Variants in SAMMSON observed in about 807,000 individuals in gnomAD.
SAMMSON encodes long intergenic non-protein coding RNA 1212.
chr3:70,328,801 A>G (rs1371943040), intron 7 of SAMMSON, among the ~76,000 whole-genome samples: 1 of 152,180 alleles, frequency 6.6e-6, no homozygotes, highest in Non-Finnish European at 1.5e-5. Flanking sequence ...GATGAAAATT[A>G]GAAACCCACA....
intron 4 of SAMMSON, among the ~76,000 whole-genome samples, chr3:70,098,998 CTA>C (rs1268279557): frequency 5.3e-5 from 8 of 152,196 alleles, no homozygotes; most frequent in South Asian, 2.1e-4. Flanking sequence ...AGTTTTTTCT[CTA>C]TGTCACTTAA....
chr3:70,376,530 G>A (rs2106749107), intron 9 of SAMMSON, among the ~76,000 whole-genome samples: 1 of 152,230 alleles, frequency 6.6e-6, no homozygotes, highest in East Asian at 1.9e-4. Flanking sequence ...CAGACACCTT[G>A]TCATAGAATG....
intron 6 of SAMMSON, among the ~76,000 whole-genome samples, chr3:70,283,149 A>C (rs371008547): frequency 6.6e-6 from 1 of 152,110 alleles, no homozygotes; most frequent in Non-Finnish European, 1.5e-5. Context: ...CAACAGTAGC[A>C]CTAGGTGGTT....
At chr3:70,036,465 G>A (rs1045945878) in intron 3 of SAMMSON, among the ~76,000 whole-genome samples, 4 of 152,136 alleles carry the variant, frequency 2.6e-5, no homozygotes, top group Non-Finnish European at 5.9e-5. Context: ...TCAATCATAA[G>A]TATGTCCTCC....
At chr3:70,154,169 A>C (rs1356120786) in intron 4 of SAMMSON, among the ~76,000 whole-genome samples, 1 of 151,970 alleles carries the variant, frequency 6.6e-6, no homozygotes, top group Non-Finnish European at 1.5e-5. Flanking sequence ...AAAATGTATT[A>C]ATCCTCATAA....
At chr3:70,077,900 C>A (rs2067254681) in intron 4 of SAMMSON, among the ~76,000 whole-genome samples, 2 of 152,202 alleles carry the variant, frequency 1.3e-5, no homozygotes, top group Non-Finnish European at 1.5e-5. Flanking sequence ...CACTCCTTAG[C>A]AACTGCCAGT....
chr3:70,296,510 TAA>T (rs1204785162), intron 7 of SAMMSON, among the ~76,000 whole-genome samples: 1 of 152,038 alleles, frequency 6.6e-6, no homozygotes, highest in Non-Finnish European at 1.5e-5. Flanking sequence ...TAAGATAATT[TAA>T]AAAAAATCAT....
At chr3:70,282,998 A>G (rs1297117977) in intron 6 of SAMMSON, among the ~76,000 whole-genome samples, 1 of 152,202 alleles carries the variant, frequency 6.6e-6, no homozygotes, top group African/African-American at 2.4e-5. Context: ...AAAATGGAGC[A>G]GGAGACTGAA....
chr3:70,391,367 A>G (rs1701046859), downstream of SAMMSON, among the ~76,000 whole-genome samples: 1 of 152,160 alleles, frequency 6.6e-6, no homozygotes, highest in African/African-American at 2.4e-5. Flanking sequence ...CCTTTATGGC[A>G]TAATATTTGG....
chr3:70,249,520 C>T (rs1320768133), intron 5 of SAMMSON: 3 of 152,074 alleles, frequency 2.0e-5, no homozygotes, highest in Non-Finnish European at 2.9e-5. Flanking sequence ...GATTAATCAT[C>T]CTTTCCCCTC....
chr3:70,405,349 T>C (rs1199398906), intron 2 of SAMMSON, among the ~76,000 whole-genome samples: 1 of 152,274 alleles, frequency 6.6e-6, no homozygotes, highest in Admixed American at 6.5e-5. Flanking sequence ...TTTAACAATA[T>C]CTAAAAATTG....
chr3:70,250,924 A>G (rs539166539), intron 6 of SAMMSON, among the ~76,000 whole-genome samples: 3 of 152,246 alleles, frequency 2.0e-5, no homozygotes, highest in African/African-American at 7.2e-5. Context: ...ATGGTCTCCA[A>G]TAAAATTTAA....
chr3:70,264,719 T>C (rs775893151), intron 6 of SAMMSON, among the ~76,000 whole-genome samples: 3 of 152,198 alleles, frequency 2.0e-5, no homozygotes, highest in African/African-American at 7.2e-5. Context: ...AATAACAGAA[T>C]TCTTGGACAA....
intron 6 of SAMMSON, among the ~76,000 whole-genome samples, chr3:70,269,862 T>C (rs1218796443): frequency 6.6e-6 from 1 of 152,108 alleles, no homozygotes; most frequent in Admixed American, 6.5e-5. Flanking sequence ...ATATCCAAAC[T>C]TAAGGAAGAA....
chr3:70,327,908 G>A (rs1702590499), intron 7 of SAMMSON, among the ~76,000 whole-genome samples: 1 of 152,194 alleles, frequency 6.6e-6, no homozygotes. Flanking sequence ...GACAATGTCT[G>A]TGTATTAGTC....
intron 3 of SAMMSON, among the ~76,000 whole-genome samples, chr3:70,026,311 A>G (rs376007315): frequency 3.3e-5 from 5 of 152,178 alleles, no homozygotes; most frequent in African/African-American, 1.2e-4. Flanking sequence ...CCGATTGAAT[A>G]TAAGACAGTT....
chr3:70,343,910 T>C (rs2106730473), intron 7 of SAMMSON, among the ~76,000 whole-genome samples: 1 of 149,798 alleles, frequency 6.7e-6, no homozygotes, highest in East Asian at 1.9e-4. Context: ...TGTATATATA[T>C]ACATTATATA....
At chr3:70,370,411 T>C (rs1702958046) in intron 9 of SAMMSON, among the ~76,000 whole-genome samples, 1 of 152,090 alleles carries the variant, frequency 6.6e-6, no homozygotes, top group Non-Finnish European at 1.5e-5. Flanking sequence ...GGGTTCTAAT[T>C]TTCAGTCCCA....
At chr3:70,396,581 CTG>C (rs1343660336) in intron 2 of SAMMSON, among the ~76,000 whole-genome samples, 1 of 152,158 alleles carries the variant, frequency 6.6e-6, no homozygotes, top group Non-Finnish European at 1.5e-5. Flanking sequence ...GATAAAGTAA[CTG>C]TGAAATATCT....
Sources: allele counts gnomAD v4.1 joint callset (sites outside exome capture counted in the v4.1 genomes callset), GRCh38; gene constraint gnomAD v4.1.1; transcripts MANE v1.5; gene names NCBI Gene and HGNC (gene_info 2026-07-23, HGNC 2026-07-21).